MAMLD1: variants seen among roughly 807,000 people sequenced by gnomAD.
The protein encoded by MAMLD1 is mastermind like domain containing 1.
A neutral mutation model predicts 45.0 loss-of-function variants in MAMLD1; 14 were observed. The observed-to-expected ratio is 0.31, with a 90% CI of 0.21 to 0.49. The LOEUF (loss-of-function observed/expected upper bound fraction) is 0.49. Among genes scored for constraint, MAMLD1 ranks in the 20% least tolerant of loss-of-function variants. MAMLD1 has a pLI of 0.99. For missense variants in MAMLD1, 543 were observed against 603.6 expected (o/e 0.90, Z 1.05); for synonymous variants, 254 against 247.8 (o/e 1.02, Z -0.24).
intron 7 of MAMLD1, 67 bp downstream of exon 7, chrX:150,510,113 A>C: frequency 1.4e-6 from 1 of 710,272 alleles, no homozygotes; most frequent in Admixed American, 2.4e-5. Context: ...GTGGGGTGAG[A>C]ATTCATTTCA....
At chrX:150,449,109 C>A (rs1390223446) in intron 2 of MAMLD1, among the ~76,000 whole-genome samples, 1 of 111,223 alleles carries the variant, frequency 9.0e-6, no homozygotes, top group Non-Finnish European at 1.9e-5. Context: ...TCTGAGCTTC[C>A]CAACCAGTCA....
At chrX:150,508,097 T>C (rs1345945450) in intron 6 of MAMLD1, among the ~76,000 whole-genome samples, 1 of 112,309 alleles carries the variant, frequency 8.9e-6, no homozygotes, top group Non-Finnish European at 1.9e-5. Context: ...TGCTGTCACA[T>C]CAGTAAGCTG....
intron 5 of MAMLD1, among the ~76,000 whole-genome samples, chrX:150,474,589 C>T (rs2036528096): frequency 2.7e-5 from 3 of 112,013 alleles, no homozygotes; most frequent in Non-Finnish European, 3.8e-5. Flanking sequence ...CACGCTATCT[C>T]CAGACCCTGT....
At chrX:150,468,367 A>G (rs1285994183) in intron 3 of MAMLD1, among the ~76,000 whole-genome samples, 1 of 111,511 alleles carries the variant, frequency 9.0e-6, no homozygotes, top group Non-Finnish European at 1.9e-5. Flanking sequence ...TTAAGGTGAC[A>G]TCAGAGGATG....
At chrX:150,433,182 T>A (rs1168788974) in intron 1 of MAMLD1, among the ~76,000 whole-genome samples, 1 of 111,925 alleles carries the variant, frequency 8.9e-6, no homozygotes, top group African/African-American at 3.2e-5. Context: ...CTATTGTGAA[T>A]GGGATTACAT....
At chrX:150,477,616 T>G (rs1316561253) in intron 5 of MAMLD1, among the ~76,000 whole-genome samples, 1 of 111,848 alleles carries the variant, frequency 8.9e-6, no homozygotes, top group East Asian at 2.8e-4. Context: ...GTTTCCTGAG[T>G]GCCCCTGACC....
At chrX:150,378,465 G>A (rs1293111368) in intron 1 of MAMLD1, among the ~76,000 whole-genome samples, 1 of 111,755 alleles carries the variant, frequency 8.9e-6, no homozygotes, top group Non-Finnish European at 1.9e-5. Flanking sequence ...GTATCTTGGG[G>A]AAATAAATAT....
intron 1 of MAMLD1, among the ~76,000 whole-genome samples, chrX:150,430,485 G>C (rs782084782): frequency 2.3e-4 from 26 of 111,691 alleles, no homozygotes; most frequent in Non-Finnish European, 4.3e-4. Flanking sequence ...ATGAAGTCTA[G>C]TTTATGAATT....
chrX:150,440,913 A>G lies in MAMLD1; in HGVS notation c.-63-4541A>G, dbSNP rs951546525. ...ATATAATATTTATTAAATTTAAAAT[A>G]TTATTTATTAAATATAATATTATTA... On this transcript the variant is annotated intron_variant, in intron 1 of 7. Coordinates refer to ENST00000370401, the MANE Select transcript of MAMLD1 (RefSeq NM_005491.5). 1.4e-4 allele frequency among the ~76,000 whole-genome samples: 15 copies of G among 104,414 alleles called. No homozygotes were observed. In the East Asian group the frequency reaches 3.4e-3, roughly 23 times the overall value. The allele number at this position is 104,414 out of a possible 115,157, so 90.7% of individuals were successfully genotyped here.
intron 1 of MAMLD1, among the ~76,000 whole-genome samples, chrX:150,436,006 T>G (rs1427030559): frequency 2.7e-5 from 3 of 112,288 alleles, no homozygotes; most frequent in Non-Finnish European, 5.6e-5. Context: ...AATTATTGGT[T>G]GTAAATTATT....
intron 6 of MAMLD1, among the ~76,000 whole-genome samples, chrX:150,506,913 A>C (rs146489356): frequency 1.8e-5 from 2 of 112,134 alleles, no homozygotes; most frequent in East Asian, 5.6e-4. Flanking sequence ...GCTTCTAGAA[A>C]GGCATCCCCA....
At chrX:150,444,293 A>T (rs1489060614) in intron 1 of MAMLD1, among the ~76,000 whole-genome samples, 1 of 111,907 alleles carries the variant, frequency 8.9e-6, no homozygotes, top group African/African-American at 3.3e-5. Context: ...GGAGTAGAGC[A>T]GTTATTGTCT....
Position 150,431,041 on chromosome X carries a change from T to G in MAMLD1, c.-63-14413T>G, listed in dbSNP as rs782666965. Among the ~76,000 whole-genome samples, 6 of 112,697 alleles carry G rather than the reference T, an allele frequency of 5.3e-5. No homozygotes were observed. The South Asian group carries it at 2.2e-3, about 41-fold the overall frequency. ...GATGTCTATTTGGGAGAAGTCAATG[T>G]CTTTACTATGTTGAGTTTTCCAATC... On this transcript the variant is annotated intron_variant, in intron 1 of 7. Transcript: ENST00000370401.
chrX:150,473,146 A>G (rs1250675651), intron 4 of MAMLD1, among the ~76,000 whole-genome samples: 1 of 112,046 alleles, frequency 8.9e-6, no homozygotes, highest in Non-Finnish European at 1.9e-5. Context: ...TGCCTGCAGC[A>G]CTTGGCCCAC....
At chrX:150,490,541 T>C (rs782549459) in intron 5 of MAMLD1, among the ~76,000 whole-genome samples, 7 of 112,359 alleles carry the variant, frequency 6.2e-5, no homozygotes, top group African/African-American at 9.7e-5. Context: ...CTAAGGTTAT[T>C]TGAGAAATAA....
rs192688408 is a variant in MAMLD1 at position 150,435,143 on chromosome X, A to G, written c.-63-10311A>G. 3.9e-4 allele frequency among the ~76,000 whole-genome samples: 44 copies of G among 111,685 alleles called. 1 individual carries two copies. The highest frequency in any genetic ancestry group is 3.4e-3 in the East Asian group (12 of 3,564). ...ATAGTTAGGTCTTCTTGTTGAATTG[A>G]GGCCTTTACCATTATATAATGCTCT... On this transcript the variant is annotated intron_variant, in intron 1 of 7. Transcript: ENST00000370401.
chrX:150,420,226 C>T (rs369546228), intron 1 of MAMLD1, among the ~76,000 whole-genome samples: 1 of 58,409 alleles, frequency 1.7e-5, no homozygotes, highest in African/African-American at 6.9e-5. Flanking sequence ...TCCAGTTGAT[C>T]GCATCGGCTC....
intron 1 of MAMLD1, among the ~76,000 whole-genome samples, chrX:150,403,878 G>T (rs915808718): frequency 3.2e-4 from 22 of 67,872 alleles, no homozygotes; most frequent in Non-Finnish European, 6.2e-4. Context: ...AAGAAAGAAA[G>T]GAAAGAAAGA....
At chrX:150,429,680 C>A (rs1233303235) in intron 1 of MAMLD1, among the ~76,000 whole-genome samples, 3 of 111,239 alleles carry the variant, frequency 2.7e-5, no homozygotes, top group African/African-American at 9.8e-5. Context: ...ACTTTCATGT[C>A]TCTGGGATAA....
Sources: allele counts gnomAD v4.1 joint callset (sites outside exome capture counted in the v4.1 genomes callset), GRCh38; gene constraint gnomAD v4.1.1; transcripts MANE v1.5; gene names NCBI Gene and HGNC (gene_info 2026-07-23, HGNC 2026-07-21).